Variants in WDFY4 observed in about 807,000 individuals in gnomAD.
WDFY4 encodes WD repeat- and FYVE domain-containing protein 4.
Under a neutral mutation model 351.9 loss-of-function variants are expected in WDFY4, and 169 were observed. The ratio of observed to expected loss-of-function variants is 0.48; its 90% CI spans 0.42 to 0.55. The LOEUF (loss-of-function observed/expected upper bound fraction) is 0.55. Ranked by LOEUF, WDFY4 falls within the 20% of genes least tolerant of loss-of-function variation. The pLI, the probability that WDFY4 is intolerant of heterozygous loss-of-function variation, is 0.00. For missense variants in WDFY4, 3,803 were observed against 3,935.6 expected (o/e 0.97, Z 0.90); for synonymous variants, 1,622 against 1,574.6 (o/e 1.03, Z -0.71).
chr10:48,687,223 T>A (rs1034110854), intron 1 of WDFY4, among the ~76,000 whole-genome samples: 5 of 152,208 alleles, frequency 3.3e-5, no homozygotes, highest in African/African-American at 1.2e-4. Flanking sequence ...TCCTATTGAT[T>A]TGCCATAATT....
intron 47 of WDFY4, among the ~76,000 whole-genome samples, chr10:48,923,978 C>G (rs570708173): frequency 4.1e-4 from 62 of 152,328 alleles, no homozygotes; most frequent in African/African-American, 1.5e-3. Context: ...AAGAAGCCCT[C>G]CCAGCTCTGA....
intron 47 of WDFY4, among the ~76,000 whole-genome samples, chr10:48,934,207 G>A (rs910030562): frequency 5.3e-5 from 8 of 152,186 alleles, no homozygotes; most frequent in African/African-American, 1.4e-4. Context: ...CATAGCATCC[G>A]TGTTGTTGAT....
intron 47 of WDFY4, among the ~76,000 whole-genome samples, chr10:48,914,534 A>G (rs965800645): frequency 7.2e-5 from 11 of 151,976 alleles, no homozygotes; most frequent in African/African-American, 2.7e-4. Flanking sequence ...ACTGTCACGT[A>G]CCCCCAACCC....
In WDFY4 at chr10:48,981,502, G is replaced by A. The variant is rs1842803951; in HGVS notation, c.9488+24G>A. On this transcript the variant is annotated intron_variant, in intron 61 of 61. Transcript: ENST00000325239. ...AGGTAAGCGCGGCCTTGTTTCTCTG[G>A]GTCTCCAGCAGAGGGCACTGCAGCC... 3.2e-6 allele frequency: 5 copies of A among 1,549,914 alleles called. No homozygotes were observed. In the South Asian group the frequency reaches 4.8e-5, roughly 15 times the overall value.
intron 24 of WDFY4, chr10:48,802,626 C>T: frequency 2.2e-6 from 1 of 458,374 alleles, no homozygotes. Flanking sequence ...AGAAGGATCA[C>T]TAGCAGCTAC....
rs544517541 is a variant in WDFY4 at position 48,721,457 on chromosome 10, G to C, written c.456+90G>C. 6.7e-5 allele frequency: 78 copies of C among 1,161,980 alleles called. 1 individual carries two copies. The South Asian group carries it at 9.3e-4, about 14-fold the overall frequency. 72.0% of individuals were successfully genotyped at this position (1,161,980 alleles called of 1,614,324 possible). A position where few individuals can be genotyped will look rare whatever the true frequency, so the allele number is the denominator to read the frequency against. ...CACAGGGTGGTGGCATATCCCAAGA[G>C]GGTCATTCGTTTCATAAAACAGGTT... On this transcript the variant is annotated intron_variant, in intron 4 of 61. Transcript: ENST00000325239.
At chr10:48,859,880 C>G (rs1224883055) in intron 39 of WDFY4, among the ~76,000 whole-genome samples, 1 of 152,164 alleles carries the variant, frequency 6.6e-6, no homozygotes, top group Non-Finnish European at 1.5e-5. Flanking sequence ...GTTTTTACAG[C>G]AGCTATAAGG....
chr10:48,773,675 G>A (rs976424878), intron 13 of WDFY4, among the ~76,000 whole-genome samples: 2 of 152,216 alleles, frequency 1.3e-5, no homozygotes, highest in Admixed American at 6.5e-5. Context: ...CTGAGGGACA[G>A]GCACAGGATG....
At chr10:48,945,554 C>T (rs943380943) in intron 49 of WDFY4, among the ~76,000 whole-genome samples, 4 of 152,140 alleles carry the variant, frequency 2.6e-5, no homozygotes, top group Admixed American at 6.5e-5. Flanking sequence ...AGGGAAGGGG[C>T]GCTCACAGCA....
chr10:48,798,942 C>A (rs962124486), intron 24 of WDFY4, among the ~76,000 whole-genome samples: 1 of 152,160 alleles, frequency 6.6e-6, no homozygotes, highest in Admixed American at 6.5e-5. Context: ...AGAATGGGCT[C>A]CCTGTGCACA....
intron 39 of WDFY4, among the ~76,000 whole-genome samples, chr10:48,857,169 A>G (rs1252558779): frequency 1.3e-5 from 2 of 152,134 alleles, no homozygotes; most frequent in African/African-American, 4.8e-5. Flanking sequence ...AGTTATGCAC[A>G]TGCTTTTCCT....
chr10:48,696,843 T>C (rs1417731835), intron 1 of WDFY4, among the ~76,000 whole-genome samples: 1 of 152,256 alleles, frequency 6.6e-6, no homozygotes, highest in East Asian at 1.9e-4. Context: ...CCCTCTCACA[T>C]ATGTTGGCTT....
At chr10:48,870,065 G>A (rs571623425) in intron 40 of WDFY4, among the ~76,000 whole-genome samples, 1 of 152,284 alleles carries the variant, frequency 6.6e-6, no homozygotes, top group South Asian at 2.1e-4. Flanking sequence ...CCTAGGGGGT[G>A]GTGCCTGTTG....
intron 17 of WDFY4, among the ~76,000 whole-genome samples, chr10:48,778,096 T>A (rs560164111): frequency 6.6e-6 from 1 of 152,380 alleles, no homozygotes; most frequent in South Asian, 2.1e-4. Flanking sequence ...TGCCTGATGC[T>A]GCCTGAGCCA....
Position 48,946,048 on chromosome 10 carries a change from C to G in WDFY4, c.7758C>G (p.Asn2586Lys). ...GCACATCTGCCTTCTAGACATTGAA[C>G]TTGGCAAATCCGAAGATTTTCCGGG... ...VLADYTSETL[N>K]LANPKIFRDL... The change falls in exon 50 of 62, where the codon AAC becomes AAG. Residue 2586 changes from asparagine to lysine, a missense_variant. By Grantham distance (94) the Asn-to-Lys change is moderately conservative. Coordinates refer to ENST00000325239, the MANE Select transcript of WDFY4 (RefSeq NM_001394531.1). The G allele has an allele frequency of 6.5e-7, 1 of 1,543,748 alleles. No homozygotes were observed. Among genetic ancestry groups the G allele is most frequent in the Non-Finnish European group, 8.7e-7 (1 of 1,144,704 alleles).
intron 2 of WDFY4, 96 bp from the exon 3 acceptor site, chr10:48,719,915 T>C: frequency 9.0e-7 from 1 of 1,113,738 alleles, no homozygotes; most frequent in South Asian, 1.4e-5. Flanking sequence ...GAAGTCGAGC[T>C]GTCAGCTTGG....
chr10:48,729,655 G>T (rs1437657093), intron 8 of WDFY4, 66 bp downstream of exon 8: 5 of 1,517,882 alleles, frequency 3.3e-6, no homozygotes, highest in Non-Finnish European at 3.5e-6. Context: ...GCTACAGAGG[G>T]TCTTCTCCTG....
chr10:48,810,657 C>G lies in WDFY4; in HGVS notation c.4966C>G (p.Leu1656Val). 6.4e-7 allele frequency: 1 copy of G among 1,551,750 alleles called. No homozygotes were observed. The highest frequency in any genetic ancestry group is 8.7e-7 in the Non-Finnish European group (1 of 1,147,002). ...LLLYFLASPSLRTRFRDGLCA... is the reference protein window; with the variant it reads ...LLLYFLASPSVRTRFRDGLCA... ...GCTGTACTTTCTGGCAAGCCCCTCC[C>G]TCCGCACACGGTTTAGAGATGGCCT... The change falls in exon 29 of 62, where the codon CTC (leucine) becomes GTC (valine). Residue 1656 changes from leucine (L) to valine (V), a missense_variant. Leu to Val is a conservative substitution (Grantham distance 32, BLOSUM62 1). This residue lies in a region of WDFY4 where 3,054 missense variants were observed against 3,148.6 expected (regional missense o/e 0.97). Transcript: ENST00000325239.
chr10:48,926,464 A>G (rs373748332), intron 47 of WDFY4, among the ~76,000 whole-genome samples: 5 of 152,194 alleles, frequency 3.3e-5, no homozygotes, highest in Admixed American at 6.5e-5. Flanking sequence ...CAGCCAGCCA[A>G]CGCAACAGAT....
Sources: gnomAD v4.1 joint callset for allele counts (sites outside exome capture counted in the v4.1 genomes callset) on GRCh38, gnomAD v4.1.1 for gene constraint, gnomAD v4.1.1 regional missense constraint, MANE v1.5 for transcripts, NCBI Gene and HGNC (gene_info 2026-07-23, HGNC 2026-07-21) for gene names.